CNTNAP5: variants seen among roughly 807,000 people sequenced by gnomAD.
The protein encoded by CNTNAP5 is contactin-associated protein-like 5.
A neutral mutation model predicts 150.2 loss-of-function variants in CNTNAP5; 72 were observed. That is an observed-to-expected ratio of 0.48 (90% CI 0.40 to 0.58). The LOEUF is 0.58. Among genes scored for constraint, CNTNAP5 ranks in the 20% least tolerant of loss-of-function variants. CNTNAP5 has a pLI of 0.00. For missense variants in CNTNAP5, 1,636 were observed against 1,626.2 expected (o/e 1.01, Z -0.10); for synonymous variants, 672 against 619.8 (o/e 1.08, Z -1.25).
chr2:124,879,745 C>T (rs1047622757), intron 21 of CNTNAP5, among the ~76,000 whole-genome samples: 1 of 152,078 alleles, frequency 6.6e-6, no homozygotes, highest in Admixed American at 6.6e-5. Context: ...AACCATGCTG[C>T]CTATTGATTT....
intron 10 of CNTNAP5, among the ~76,000 whole-genome samples, chr2:124,559,385 A>T (rs1356371919): frequency 6.6e-6 from 1 of 152,082 alleles, no homozygotes; most frequent in Non-Finnish European, 1.5e-5. Flanking sequence ...TGTCTGCCAC[A>T]CTATCTAAGT....
chr2:124,369,531 G>T (rs187391126), intron 3 of CNTNAP5, among the ~76,000 whole-genome samples: 1 of 152,274 alleles, frequency 6.6e-6, no homozygotes, highest in Middle Eastern at 3.4e-3. Context: ...AGAAGTTCCT[G>T]CGGTGATTCT....
At chr2:124,031,035 C>G (rs1173580444) in intron 1 of CNTNAP5, among the ~76,000 whole-genome samples, 2 of 152,050 alleles carry the variant, frequency 1.3e-5, no homozygotes, top group East Asian at 1.9e-4. Flanking sequence ...ATTCCACAAA[C>G]AAGCTATGTT....
At chr2:124,505,579 G>T (rs773362092) in intron 8 of CNTNAP5, among the ~76,000 whole-genome samples, 1 of 152,096 alleles carries the variant, frequency 6.6e-6, no homozygotes, top group Non-Finnish European at 1.5e-5. Flanking sequence ...CTGATTCATT[G>T]CCATGTACTA....
At chr2:124,816,819 G>A (rs1028575580) in intron 19 of CNTNAP5, among the ~76,000 whole-genome samples, 5 of 152,108 alleles carry the variant, frequency 3.3e-5, no homozygotes, top group African/African-American at 9.7e-5. Flanking sequence ...GCAAATATAT[G>A]TATGTATGGA....
At chr2:124,528,716 T>C (rs1695034776) in intron 10 of CNTNAP5, among the ~76,000 whole-genome samples, 1 of 152,150 alleles carries the variant, frequency 6.6e-6, no homozygotes, top group Non-Finnish European at 1.5e-5. Context: ...TGAAGGACTT[T>C]GTGTACCAGT....
chr2:124,540,137 C>T (rs1408801410), intron 10 of CNTNAP5, among the ~76,000 whole-genome samples: 7 of 152,162 alleles, frequency 4.6e-5, no homozygotes, highest in African/African-American at 1.4e-4. Flanking sequence ...TCCAGAACAC[C>T]GTTAACTTTA....
intron 13 of CNTNAP5, among the ~76,000 whole-genome samples, chr2:124,690,292 C>A (rs980197465): frequency 6.6e-6 from 1 of 152,038 alleles, no homozygotes. Flanking sequence ...TACAAGTCAA[C>A]ATGCTTTGTA....
intron 12 of CNTNAP5, among the ~76,000 whole-genome samples, chr2:124,610,422 A>G (rs1182532010): frequency 1.3e-5 from 2 of 152,192 alleles, no homozygotes; most frequent in Non-Finnish European, 1.5e-5. Flanking sequence ...AGATACAATC[A>G]TGTGTATTGG....
At chr2:124,371,391 C>T (rs553202817) in intron 3 of CNTNAP5, among the ~76,000 whole-genome samples, 134 of 152,092 alleles carry the variant, frequency 8.8e-4, no homozygotes, top group African/African-American at 3.0e-3. Flanking sequence ...TTATTATATA[C>T]GATATGGTAG....
chr2:124,028,981 T>C (rs1047698604), intron 1 of CNTNAP5, among the ~76,000 whole-genome samples: 6 of 152,130 alleles, frequency 3.9e-5, no homozygotes, highest in African/African-American at 1.2e-4. Context: ...GGAGCACATA[T>C]GGGGTCACTA....
intron 3 of CNTNAP5, among the ~76,000 whole-genome samples, chr2:124,316,140 A>C (rs1403496896): frequency 6.6e-6 from 1 of 152,186 alleles, no homozygotes; most frequent in African/African-American, 2.4e-5. Context: ...TATTTGGGCC[A>C]GCAGGAGTTG....
At chr2:124,515,647 C>T (rs994019579) in intron 8 of CNTNAP5, among the ~76,000 whole-genome samples, 14 of 152,078 alleles carry the variant, frequency 9.2e-5, no homozygotes, top group African/African-American at 1.9e-4. Flanking sequence ...TTTGCTGACA[C>T]GAAAACTTGG....
intron 3 of CNTNAP5, among the ~76,000 whole-genome samples, chr2:124,263,301 C>A (rs1006160236): frequency 2.6e-5 from 4 of 152,142 alleles, no homozygotes; most frequent in African/African-American, 7.2e-5. Flanking sequence ...CACATCCTCT[C>A]CAGCACCTGT....
intron 3 of CNTNAP5, among the ~76,000 whole-genome samples, chr2:124,254,379 C>T (rs1687257570): frequency 6.6e-6 from 1 of 152,190 alleles, no homozygotes; most frequent in African/African-American, 2.4e-5. Flanking sequence ...ATGCCAGTGT[C>T]TGTTGGCTCT....
intron 1 of CNTNAP5, among the ~76,000 whole-genome samples, chr2:124,053,246 AGC>A: frequency 6.6e-6 from 1 of 152,332 alleles, no homozygotes; most frequent in East Asian, 1.9e-4. Context: ...GCTGAGGTGA[AGC>A]AGAACCAAAA....
intron 3 of CNTNAP5, among the ~76,000 whole-genome samples, chr2:124,356,372 A>G (rs1360570794): frequency 6.7e-6 from 1 of 149,348 alleles, no homozygotes; most frequent in South Asian, 2.1e-4. Context: ...TTAGTTACAT[A>G]TGTATACATG....
intron 18 of CNTNAP5, among the ~76,000 whole-genome samples, chr2:124,792,572 A>C (rs79207340): frequency 0.01 from 1,575 of 152,258 alleles, 31 homozygotes; most frequent in African/African-American, 0.036. Flanking sequence ...AAGGTGTATA[A>C]TTCAGTGATG....
intron 13 of CNTNAP5, among the ~76,000 whole-genome samples, chr2:124,694,108 C>G (rs146620029): frequency 6.6e-6 from 1 of 152,304 alleles, no homozygotes; most frequent in Non-Finnish European, 1.5e-5. Context: ...TGACCTCCCA[C>G]TTCTAACTTT....
Sources: gnomAD v4.1 joint callset for allele counts (sites outside exome capture counted in the v4.1 genomes callset) on GRCh38, gnomAD v4.1.1 for gene constraint, MANE v1.5 for transcripts, NCBI Gene and HGNC (gene_info 2026-07-23, HGNC 2026-07-21) for gene names.